PCDH15: variants seen among roughly 807,000 people sequenced by gnomAD.
PCDH15 encodes the protein protocadherin-15.
Under a neutral mutation model 178.5 loss-of-function variants are expected in PCDH15, and 129 were observed. The observed-to-expected ratio is 0.72, with a 90% CI of 0.63 to 0.84. The LOEUF (loss-of-function observed/expected upper bound fraction) is 0.84. PCDH15 is among the 40% of genes least tolerant of loss of function. The pLI is 0.00. For missense variants in PCDH15, 2,230 were observed against 2,099.9 expected (o/e 1.06, Z -1.21); for synonymous variants, 800 against 732.0 (o/e 1.09, Z -1.50).
chr10:55,620,053 T>G lies in PCDH15; in HGVS notation c.-156+7572A>C, dbSNP rs571333243. Among the ~76,000 whole-genome samples, 108 of 152,180 alleles carry G rather than the reference T, an allele frequency of 7.1e-4. 2 individuals are homozygous for G. The South Asian group carries it at 0.022, about 32-fold the overall frequency. ...TTATAATAACCAGTATGCCCTTGCC[T>G]AAGCATATGCCCCCAGTTAATAATA... is the stretch of plus-strand genomic sequence containing the variant. On this transcript the variant is annotated intron_variant, in intron 2 of 5. Coordinates refer to the PCDH15 transcript ENST00000613346.
At chr10:55,343,540 T>TC (rs1286289777) in intron 2 of PCDH15, among the ~76,000 whole-genome samples, 12 of 151,328 alleles carry the variant, frequency 7.9e-5, no homozygotes, top group Non-Finnish European at 1.5e-4. Flanking sequence ...ATCTTCCTTT[T>TC]CCCCCCCAAT....
chr10:53,834,522 T>G lies in PCDH15; in HGVS notation c.3984-2989A>C, dbSNP rs1256000006. Among the ~76,000 whole-genome samples, 7 of 152,022 alleles carry G rather than the reference T, an allele frequency of 4.6e-5. No individual in the cohort carries two copies. The East Asian group carries it at 9.7e-4, about 21-fold the overall frequency. ...CCAGCATCAACACAGAAATGTGTTT[T>G]TTTTTTTTTTCTCGTCATTTTCATC... On this transcript the variant is annotated intron_variant, in intron 29 of 37. Coordinates refer to ENST00000644397, the MANE Select transcript of PCDH15 (RefSeq NM_001384140.1).
At chr10:54,726,823 C>G (rs1942605497) in intron 1 of PCDH15, among the ~76,000 whole-genome samples, 1 of 149,962 alleles carries the variant, frequency 6.7e-6, no homozygotes, top group Non-Finnish European at 1.5e-5. Flanking sequence ...AAGACTGGTT[C>G]TTCAGGTCAA....
chr10:55,128,006 T>C (rs1426742092), intron 2 of PCDH15, among the ~76,000 whole-genome samples: 1 of 152,064 alleles, frequency 6.6e-6, no homozygotes, highest in Non-Finnish European at 1.5e-5. Flanking sequence ...CTCCTCAGAC[T>C]GGAGTATATT....
At chr10:54,964,658 T>C (rs751011552) in intron 2 of PCDH15, among the ~76,000 whole-genome samples, 13 of 152,146 alleles carry the variant, frequency 8.5e-5, no homozygotes, top group African/African-American at 7.2e-5. Flanking sequence ...CCTTAAAACA[T>C]TTAGAAGACA....
At chr10:54,884,570 G>A in intron 3 of PCDH15, among the ~76,000 whole-genome samples, 1 of 151,512 alleles carries the variant, frequency 6.6e-6, no homozygotes, top group East Asian at 1.9e-4. Flanking sequence ...TAAGCCCTCA[G>A]GACCAGATTC....
chr10:54,499,817 C>T (rs928531529), intron 3 of PCDH15, among the ~76,000 whole-genome samples: 1 of 151,838 alleles, frequency 6.6e-6, no homozygotes, highest in Admixed American at 6.6e-5. Context: ...AAGAAATAAC[C>T]AAATTAGAGC....
At chr10:55,037,575 C>A (rs1190533493) in intron 2 of PCDH15, among the ~76,000 whole-genome samples, 1 of 152,100 alleles carries the variant, frequency 6.6e-6, no homozygotes, top group East Asian at 1.9e-4. Context: ...TATATGAAAA[C>A]CATAGTAAAA....
chr10:55,186,001 T>C (rs1163663932), intron 1 of PCDH15, among the ~76,000 whole-genome samples: 1 of 151,690 alleles, frequency 6.6e-6, no homozygotes, highest in Non-Finnish European at 1.5e-5. Context: ...GACTTGGAAA[T>C]TATCAAAAGG....
At chr10:54,397,455 G>A (rs1342578282) in intron 3 of PCDH15, among the ~76,000 whole-genome samples, 3 of 151,996 alleles carry the variant, frequency 2.0e-5, no homozygotes, top group African/African-American at 7.2e-5. Context: ...AAAGAACTGA[G>A]TTCAATTTCT....
chr10:53,963,140 T>C (rs1199535457), intron 21 of PCDH15, among the ~76,000 whole-genome samples: 2 of 152,194 alleles, frequency 1.3e-5, no homozygotes, highest in Admixed American at 1.3e-4. Context: ...AACATTGCTT[T>C]TTATATTTCC....
intron 1 of PCDH15, among the ~76,000 whole-genome samples, chr10:54,708,555 G>GT (rs2095391727): frequency 6.6e-6 from 1 of 152,110 alleles, no homozygotes; most frequent in Admixed American, 6.6e-5. Flanking sequence ...TTCTATTACA[G>GT]CAGCCATGTG....
intron 29 of PCDH15, among the ~76,000 whole-genome samples, chr10:53,839,202 CAAAAAAAA>C (rs758823713): frequency 1.3e-5 from 1 of 74,618 alleles, no homozygotes; most frequent in African/African-American, 5.2e-5. Context: ...GTCTCCGTCT[CAAAAAAAA>C]AAAAAAAAAA....
intron 2 of PCDH15, among the ~76,000 whole-genome samples, chr10:54,589,325 C>T (rs188390588): frequency 2.4e-3 from 365 of 152,204 alleles, no homozygotes; most frequent in African/African-American, 8.3e-3. Context: ...CACTATTCCT[C>T]AAGAAATAAA....
chr10:54,245,312 G>C (rs1024767719), intron 8 of PCDH15, among the ~76,000 whole-genome samples: 1 of 152,010 alleles, frequency 6.6e-6, no homozygotes, highest in Non-Finnish European at 1.5e-5. Flanking sequence ...TTCCCAAGTG[G>C]TTTTATCATT....
chr10:54,858,916 A>T (rs1042045851), intron 3 of PCDH15, among the ~76,000 whole-genome samples: 1 of 152,100 alleles, frequency 6.6e-6, no homozygotes, highest in African/African-American at 2.4e-5. Context: ...AAAGAAAATG[A>T]TAGGGCCACA....
intron 1 of PCDH15, among the ~76,000 whole-genome samples, chr10:54,765,556 A>C (rs1948409178): frequency 6.6e-6 from 1 of 152,162 alleles, no homozygotes; most frequent in South Asian, 2.1e-4. Context: ...AGCACTCAAT[A>C]GATTTAGTGA....
intron 1 of PCDH15, among the ~76,000 whole-genome samples, chr10:54,780,742 A>T (rs1024107125): frequency 9.9e-5 from 15 of 151,674 alleles, no homozygotes; most frequent in African/African-American, 3.6e-4. Flanking sequence ...GTAAAAAAAA[A>T]AAAAAAAAAG....
chr10:55,157,253 A>G (rs1299272156), intron 2 of PCDH15, among the ~76,000 whole-genome samples: 2 of 151,950 alleles, frequency 1.3e-5, no homozygotes, highest in South Asian at 4.2e-4. Context: ...AACCACAATG[A>G]GATACCATCT....
Sources: allele counts gnomAD v4.1 joint callset (sites outside exome capture counted in the v4.1 genomes callset), GRCh38; gene constraint gnomAD v4.1.1; transcripts MANE v1.5; gene names NCBI Gene and HGNC (gene_info 2026-07-23, HGNC 2026-07-21).